The following PRKCE variants were observed in gnomAD, a reference collection of about 807,000 sequenced individuals.
PRKCE encodes the protein protein kinase C epsilon.
In PRKCE, 16 loss-of-function variants were observed where a neutral mutation model predicts 85.4. That is an observed-to-expected ratio of 0.19 (90% CI 0.13 to 0.28). The LOEUF (loss-of-function observed/expected upper bound fraction) is 0.28. Ranked by LOEUF, PRKCE falls within the 10% of genes least tolerant of loss-of-function variation. The pLI, the probability that PRKCE is intolerant of heterozygous loss-of-function variation, is 1.00. For synonymous variants in PRKCE, 388 were observed against 371.5 expected (o/e 1.04, Z -0.51); for missense variants, 573 against 975.2 (o/e 0.59, Z 5.49).
At position 46,184,894 on chromosome 2, in the gene PRKCE, G is replaced by T. The variant is rs761011720; in HGVS notation, c.*13G>T. 6.3e-6 allele frequency: 10 copies of T among 1,599,602 alleles called. No individual in the cohort carries two copies. The South Asian group carries it at 9.9e-5, about 16-fold the overall frequency. ...CCTGATGCCCTGAGAGCCCACTGCA[G>T]TTGGACTTTGCCGATGCTGCAAGAA... On this transcript the variant is annotated 3_prime_UTR_variant, in exon 15 of 15. Transcript: ENST00000306156. This position sits in a 1 kb window ranked among gnomAD's most constrained non-coding sequence, Gnocchi z 5.0.
chr2:46,151,678 G>A (rs905807732), intron 13 of PRKCE, among the ~76,000 whole-genome samples: 23 of 152,160 alleles, frequency 1.5e-4, no homozygotes, highest in Non-Finnish European at 2.4e-4. Context: ...GGTGGGCACC[G>A]CCCACCTGTG....
chr2:45,680,011 G>T (rs1402169212), intron 1 of PRKCE, among the ~76,000 whole-genome samples: 1 of 152,170 alleles, frequency 6.6e-6, no homozygotes, highest in African/African-American at 2.4e-5. Context: ...TATTAGTAGA[G>T]CATTTGAGGG....
chr2:45,850,236 T>C (rs1336718183), intron 2 of PRKCE, among the ~76,000 whole-genome samples: 2 of 152,242 alleles, frequency 1.3e-5, no homozygotes, highest in Non-Finnish European at 2.9e-5. Flanking sequence ...TATTTCCTTT[T>C]GACTGGTGTG....
intron 2 of PRKCE, among the ~76,000 whole-genome samples, chr2:45,863,765 G>C (rs556937019): frequency 2.6e-5 from 4 of 152,094 alleles, no homozygotes; most frequent in African/African-American, 9.6e-5. Context: ...TTGCTAGGGG[G>C]AGGACAAGTG....
chr2:46,009,203 G>C (rs1705454429), intron 9 of PRKCE, among the ~76,000 whole-genome samples: 2 of 152,052 alleles, frequency 1.3e-5, no homozygotes, highest in Non-Finnish European at 2.9e-5. Flanking sequence ...AACCATAAAG[G>C]CAAACAAGGA....
chr2:45,910,318 G>C (rs962632681), intron 2 of PRKCE, among the ~76,000 whole-genome samples: 1 of 152,146 alleles, frequency 6.6e-6, no homozygotes. Flanking sequence ...GGAGTAACTG[G>C]GAAATGGAAG....
intron 1 of PRKCE, among the ~76,000 whole-genome samples, chr2:45,804,708 G>T (rs1688114335): frequency 6.6e-6 from 1 of 152,166 alleles, no homozygotes; most frequent in Non-Finnish European, 1.5e-5. Context: ...AGGAGAGGTT[G>T]CTGTTCGTTC....
chr2:45,868,255 C>A (rs1200883590), intron 2 of PRKCE, among the ~76,000 whole-genome samples: 1 of 82,938 alleles, frequency 1.2e-5, no homozygotes, highest in Non-Finnish European at 2.2e-5. Context: ...GGTGATTCTA[C>A]AGCCCAGCTT....
chr2:45,819,823 C>A (rs1283236954), intron 1 of PRKCE, among the ~76,000 whole-genome samples: 1 of 152,164 alleles, frequency 6.6e-6, no homozygotes, highest in Non-Finnish European at 1.5e-5. Context: ...AAGCTTCAGA[C>A]AAAGCTGTCT....
intron 1 of PRKCE, among the ~76,000 whole-genome samples, chr2:45,741,243 A>G (rs953721100): frequency 6.6e-6 from 1 of 152,188 alleles, no homozygotes; most frequent in African/African-American, 2.4e-5. Context: ...ATGTTCAGCA[A>G]TGAGGGGATA....
intron 1 of PRKCE, among the ~76,000 whole-genome samples, chr2:45,703,027 C>CCT (rs1553382516): frequency 9.9e-5 from 15 of 151,806 alleles, no homozygotes; most frequent in Admixed American, 6.6e-5. Flanking sequence ...TTTTTCCCCC[C>CCT]CCGTCAGGAA....
At chr2:45,832,895 C>T (rs1051052405) in intron 1 of PRKCE, among the ~76,000 whole-genome samples, 8 of 152,074 alleles carry the variant, frequency 5.3e-5, no homozygotes, top group African/African-American at 1.7e-4. Flanking sequence ...ATAGGTAACA[C>T]ATGTAGAGTA....
chr2:45,672,059 T>C lies in PRKCE; in HGVS notation c.348+19611T>C, dbSNP rs1346041253. ...GCTTGGGTGGCAGAGTGAGACCCCC[T>C]GTCTCAAAAAAAAAAAAAAAAAAAA... is the stretch of plus-strand genomic sequence containing the variant. On this transcript the variant is annotated intron_variant, in intron 1 of 14. Transcript: ENST00000306156. 5.8e-5 allele frequency among the ~76,000 whole-genome samples: 6 copies of C among 103,114 alleles called. No individual in the cohort carries two copies. In the East Asian group the frequency reaches 1.2e-3, roughly 21 times the overall value. The allele number at this position is 103,114 out of a possible 152,430, so 67.6% of individuals were successfully genotyped here.
chr2:45,762,948 CTT>C (rs752768690), intron 1 of PRKCE, among the ~76,000 whole-genome samples: 2,134 of 126,734 alleles, frequency 0.017, 47 homozygotes, highest in African/African-American at 0.057. Flanking sequence ...CTTTTCTTTT[CTT>C]TTCTTCTTTT....
At chr2:45,950,261 T>C (rs1448415563) in intron 2 of PRKCE, among the ~76,000 whole-genome samples, 6 of 152,200 alleles carry the variant, frequency 3.9e-5, no homozygotes, top group African/African-American at 9.6e-5. Context: ...AAAATCAATA[T>C]ATTTACCAAA....
At chr2:45,658,055 T>A (rs1675461723) in intron 1 of PRKCE, among the ~76,000 whole-genome samples, 1 of 152,178 alleles carries the variant, frequency 6.6e-6, no homozygotes, top group South Asian at 2.1e-4. Context: ...TTTAAAAGGA[T>A]TTCTGAAACC....
intron 2 of PRKCE, among the ~76,000 whole-genome samples, chr2:45,962,591 A>G (rs1339096381): frequency 6.6e-6 from 1 of 152,236 alleles, no homozygotes; most frequent in Non-Finnish European, 1.5e-5. Context: ...TTGCAGAGCT[A>G]TTAGAAATAG....
At chr2:46,044,974 C>T (rs1708432238) in intron 10 of PRKCE, among the ~76,000 whole-genome samples, 1 of 152,218 alleles carries the variant, frequency 6.6e-6, no homozygotes. Context: ...TATATGTTCT[C>T]ATATTTTATT....
chr2:46,067,693 G>A (rs552707501), intron 10 of PRKCE, among the ~76,000 whole-genome samples: 2 of 152,198 alleles, frequency 1.3e-5, no homozygotes, highest in Non-Finnish European at 2.9e-5. Context: ...AACATTGAAT[G>A]GCATTCATGA....
Sources: gnomAD v4.1 joint callset for allele counts (sites outside exome capture counted in the v4.1 genomes callset) on GRCh38, gnomAD v4.1.1 for gene constraint, Gnocchi (gnomAD v3.1) non-coding constraint, MANE v1.5 for transcripts, NCBI Gene and HGNC (gene_info 2026-07-23, HGNC 2026-07-21) for gene names.